PTPRS: variants seen among roughly 807,000 people sequenced by gnomAD.
The protein encoded by PTPRS is receptor-type tyrosine-protein phosphatase S.
PTPRS carries 63 observed loss-of-function variants against 215.3 expected under a neutral mutation model. The ratio of observed to expected loss-of-function variants is 0.29; its 90% confidence interval spans 0.24 to 0.36. PTPRS has a LOEUF of 0.36. PTPRS is among the 10% of genes least tolerant of loss of function. PTPRS has a pLI of 1.00. For missense variants in PTPRS, 2,258 were observed against 2,825.8 expected (o/e 0.80, Z 4.56); for synonymous variants, 1,404 against 1,191.4 (o/e 1.18, Z -3.68).
rs1169798779 is a variant in PTPRS, at chr19:5,229,620, C to T, written c.2220G>A (p.Leu740=). 6.4e-6 allele frequency: 9 copies of T among 1,403,610 alleles called. No individual in the cohort carries two copies. In the African/African-American group the frequency reaches 1.4e-4, roughly 21 times the overall value. 86.9% of individuals were successfully genotyped at this position (1,403,610 alleles called of 1,614,324 possible). The part of the protein sequence containing the change: ...EALNATAIRV[L]WRSPAPGRQH... ...GCCGGCCGGGCGCGGGCGAGCGCCA[C>T]AGCACGCGGATGGCCGTGGCGTTGA... Residue 740 remains leucine, a synonymous_variant, in exon 15 of 38, where the codon CTG becomes CTA. Transcript: ENST00000262963.
At position 5,244,249 on chromosome 19, in the gene PTPRS, T is replaced by C; in HGVS notation, c.1222A>G (p.Ile408Val). ...YEIWVSAVNS[I>V]GQGPPSESVV... ...GACTCGCTGGGGGGCCCCTGGCCGATGGAGTTGACGGCCGACACCCAGATC... is the reference window on the plus strand; with the variant it reads ...GACTCGCTGGGGGGCCCCTGGCCGACGGAGTTGACGGCCGACACCCAGATC... The change falls in exon 11 of 38, where the codon ATC becomes GTC. Residue 408 changes from isoleucine to valine, a missense_variant. Physicochemically the swap from Ile to Val is conservative, Grantham distance 29. Transcript: ENST00000262963. This position sits in a 1 kb window ranked among gnomAD's most constrained non-coding sequence, Gnocchi z 7.2. 1 of 1,613,628 alleles carries C rather than the reference T, an allele frequency of 6.2e-7. No homozygotes were observed. Among genetic ancestry groups the C allele is most frequent in the Non-Finnish European group, 8.5e-7 (1 of 1,179,620 alleles).
rs763853074 is a variant in PTPRS at position 5,222,103 on chromosome 19, T to TGCTG, written c.3201+16_3201+19dup. On this transcript the variant is annotated intron_variant, in intron 19 of 37. Transcript: ENST00000262963. ...CCCTGACCCTGCCTGCCTGCCTGCC[T>TGCTG]GCTGGCTGGGCAGTCGCACCTTGTA... 15 of 1,595,666 alleles carry TGCTG rather than the reference T, an allele frequency of 9.4e-6. No homozygotes were observed. In the Admixed American group the frequency reaches 2.0e-4, roughly 21 times the overall value.
At chr19:5,311,762 C>A (rs890868086) in intron 1 of PTPRS, among the ~76,000 whole-genome samples, 1 of 152,020 alleles carries the variant, frequency 6.6e-6, no homozygotes, top group African/African-American at 2.4e-5. Context: ...TCCCTTGGGC[C>A]GGGTGCGGTG....
At chr19:5,290,393 C>T (rs1057217452) in intron 1 of PTPRS, among the ~76,000 whole-genome samples, 6 of 152,208 alleles carry the variant, frequency 3.9e-5, no homozygotes, top group Non-Finnish European at 7.3e-5. Context: ...TGGTAGAGCC[C>T]GCTGGCCGCC....
At chr19:5,265,320 A>G (rs1303661033) in intron 4 of PTPRS, 124 bp from the exon 5 acceptor site, 1 of 827,698 alleles carries the variant, frequency 1.2e-6, no homozygotes, top group Non-Finnish European at 1.9e-6. Flanking sequence ...GACCTCAGCC[A>G]TGGGTGCCAT....
At chr19:5,216,916 C>T in intron 25 of PTPRS, 149 bp from the exon 26 acceptor site, 2 of 628,772 alleles carry the variant, frequency 3.2e-6, no homozygotes, top group Non-Finnish European at 2.9e-6. Flanking sequence ...TGGGCCCCCA[C>T]CTGAGGACTC....
chr19:5,246,909 G>A (rs903534787), intron 9 of PTPRS, among the ~76,000 whole-genome samples: 5 of 152,168 alleles, frequency 3.3e-5, no homozygotes, highest in East Asian at 1.9e-4. Flanking sequence ...GAGAGAAAGA[G>A]AGAGCGAGCG....
chr19:5,242,213 G>A (rs2044099376), intron 11 of PTPRS, among the ~76,000 whole-genome samples: 1 of 152,054 alleles, frequency 6.6e-6, no homozygotes, highest in African/African-American at 2.4e-5. Flanking sequence ...AAACTCAAAT[G>A]CCAACAGGGG....
chr19:5,206,963 C>G, intron 37 of PTPRS, 121 bp from the exon 38 acceptor site: 1 of 835,504 alleles, frequency 1.2e-6, no homozygotes, highest in Non-Finnish European at 1.9e-6. Context: ...CAGAAGGTCT[C>G]TTTGGCCCCC....
intron 1 of PTPRS, among the ~76,000 whole-genome samples, chr19:5,305,767 T>TATATATATA (rs1450959995): frequency 1.1e-4 from 10 of 89,732 alleles, no homozygotes; most frequent in Middle Eastern, 5.6e-3. Flanking sequence ...ATATATATAT[T>TATATATATA]TTTTTTTTAA....
intron 1 of PTPRS, among the ~76,000 whole-genome samples, chr19:5,332,654 G>A (rs1389794671): frequency 6.6e-6 from 1 of 152,180 alleles, no homozygotes; most frequent in African/African-American, 2.4e-5. Flanking sequence ...GGTGAAAGGG[G>A]TCCCTGTCCA....
chr19:5,207,524 A>G (rs1486954249), intron 37 of PTPRS, among the ~76,000 whole-genome samples: 7 of 152,114 alleles, frequency 4.6e-5, no homozygotes, highest in African/African-American at 1.7e-4. Context: ...CTCATCTTTT[A>G]AGACATGGCT....
At position 5,218,751 on chromosome 19, in the gene PTPRS, T is replaced by A. The variant is rs762594469; in HGVS notation, c.3935+36A>T. On this transcript the variant is annotated intron_variant, in intron 24 of 37. Transcript: ENST00000262963. Reference sequence around the variant, plus strand: ...AGCCCATTCCCTGTCCTCTTCCTCTTGCCTGAAGCCTCCACGGGGGAGGGC... The same window carrying A: ...AGCCCATTCCCTGTCCTCTTCCTCTAGCCTGAAGCCTCCACGGGGGAGGGC... 22 of 1,610,504 alleles carry A rather than the reference T, an allele frequency of 1.4e-5. No individual in the cohort carries two copies. The East Asian group carries it at 4.5e-4, about 33-fold the overall frequency.
chr19:5,259,622 A>C (rs2045833093), intron 7 of PTPRS, among the ~76,000 whole-genome samples: 1 of 152,210 alleles, frequency 6.6e-6, no homozygotes, highest in South Asian at 2.1e-4. Context: ...TAACATATCT[A>C]AGTATGTTTG....
chr19:5,253,110 G>GATATATCATA (rs2045279286), intron 9 of PTPRS, among the ~76,000 whole-genome samples: 1 of 152,072 alleles, frequency 6.6e-6, no homozygotes, highest in South Asian at 2.1e-4. Context: ...TCATAGTCAG[G>GATATATCATA]GAGAATATAA....
Position 5,219,363 on chromosome 19 carries a change from C to G in PTPRS, c.3870G>C (p.Val1290=). 6.2e-7 allele frequency: 1 copy of G among 1,613,966 alleles called. No individual in the cohort carries two copies. Among genetic ancestry groups the G allele is most frequent in the East Asian group, 2.2e-5 (1 of 44,872 alleles). ...EEGLIWVIGP[V]LAVVFIICIV... ...TGCAGATTATGAAGACCACGGCCAG[C>G]ACAGGCCCGATCACCCAGATAAGCC... Residue 1290 remains valine, a synonymous_variant, in exon 23 of 38, where the codon GTG becomes GTC. Coordinates refer to ENST00000262963, the MANE Select transcript of PTPRS (RefSeq NM_002850.4).
At chr19:5,246,366 T>A (rs1003112671) in intron 9 of PTPRS, among the ~76,000 whole-genome samples, 9 of 152,132 alleles carry the variant, frequency 5.9e-5, no homozygotes, top group Non-Finnish European at 1.2e-4. Flanking sequence ...TATCAATATA[T>A]AATAGACATG....
intron 2 of PTPRS, among the ~76,000 whole-genome samples, chr19:5,281,787 C>T (rs538928285): frequency 3.9e-5 from 6 of 152,282 alleles, no homozygotes; most frequent in African/African-American, 1.2e-4. Flanking sequence ...AGGGTAGAGA[C>T]GCATCCAGCT....
chr19:5,273,038 G>C, intron 4 of PTPRS: 1 of 268,480 alleles, frequency 3.7e-6, no homozygotes, highest in Non-Finnish European at 7.3e-6. Flanking sequence ...AGGAAACAAA[G>C]CCAAGAGACA....
Sources: gnomAD v4.1 joint callset for allele counts (sites outside exome capture counted in the v4.1 genomes callset) on GRCh38, gnomAD v4.1.1 for gene constraint, Gnocchi (gnomAD v3.1) non-coding constraint, MANE v1.5 for transcripts, NCBI Gene and HGNC (gene_info 2026-07-23, HGNC 2026-07-21) for gene names.